STXBP5L: variants seen among roughly 807,000 people sequenced by gnomAD.
STXBP5L encodes the protein syntaxin binding protein 5L.
STXBP5L carries 65 observed loss-of-function variants against 144.5 expected under a neutral mutation model. The ratio of observed to expected loss-of-function variants is 0.45; its 90% confidence interval spans 0.37 to 0.55. STXBP5L has a LOEUF of 0.55. Ranked by LOEUF, STXBP5L falls within the 20% of genes least tolerant of loss-of-function variation. The pLI is 0.00. For missense variants in STXBP5L, 1,298 were observed against 1,405.5 expected, an observed-to-expected ratio of 0.92 and a Z score of 1.22; for synonymous variants, 505 against 469.6, an observed-to-expected ratio of 1.08 and a Z score of -0.97.
intron 9 of STXBP5L, among the ~76,000 whole-genome samples, chr3:121,197,908 G>T (rs2047982937): frequency 6.6e-6 from 1 of 152,164 alleles, no homozygotes. Flanking sequence ...ATGGACATTT[G>T]GGTTGGTTCC....
At chr3:120,978,104 TG>T (rs758251289) in intron 3 of STXBP5L, among the ~76,000 whole-genome samples, 1 of 152,208 alleles carries the variant, frequency 6.6e-6, no homozygotes, top group Non-Finnish European at 1.5e-5. Context: ...CTTGCTAGAT[TG>T]GGGAAATTCT....
At chr3:121,051,136 G>A (rs564702954) in intron 5 of STXBP5L, among the ~76,000 whole-genome samples, 2,212 of 152,080 alleles carry the variant, frequency 0.015, 29 homozygotes, top group Non-Finnish European at 0.026. Flanking sequence ...AATAATAATG[G>A]GAGACTTTAA....
rs765268491 is a variant in STXBP5L, at chr3:121,043,260, A to G, written c.369+1479A>G. On this transcript the variant is annotated intron_variant, in intron 4 of 26. Coordinates refer to ENST00000471454, the MANE Select transcript of STXBP5L (RefSeq NM_001308330.2). ...GTTTTAAGCATTTTCACAGATCTTTATAGTGCTTTTGGTAGGTTCACTTTG... is the reference window on the plus strand; with the variant it reads ...GTTTTAAGCATTTTCACAGATCTTTGTAGTGCTTTTGGTAGGTTCACTTTG... Among the ~76,000 whole-genome samples, 29 of 152,140 alleles carry G rather than the reference A, an allele frequency of 1.9e-4. No homozygotes were observed. The East Asian group carries it at 2.7e-3, about 14-fold the overall frequency.
chr3:121,254,123 TTGAC>T (rs905154281), intron 15 of STXBP5L, among the ~76,000 whole-genome samples: 3 of 152,162 alleles, frequency 2.0e-5, no homozygotes, highest in Admixed American at 6.5e-5. Context: ...CAGTCTGGTT[TTGAC>T]TAATGTTTCT....
chr3:121,390,132 A>C (rs1162337443), intron 22 of STXBP5L, among the ~76,000 whole-genome samples: 1 of 152,198 alleles, frequency 6.6e-6, no homozygotes, highest in Admixed American at 6.5e-5. Context: ...TCCCTTTACC[A>C]TTATGTAATG....
chr3:120,921,586 TC>T (rs1205533840), intron 2 of STXBP5L, among the ~76,000 whole-genome samples: 2 of 152,048 alleles, frequency 1.3e-5, no homozygotes, highest in African/African-American at 4.8e-5. Context: ...AGCATTTTCT[TC>T]TAGTAGATTC....
At chr3:121,143,800 T>C (rs2045606086) in intron 7 of STXBP5L, among the ~76,000 whole-genome samples, 1 of 151,804 alleles carries the variant, frequency 6.6e-6, no homozygotes, top group African/African-American at 2.4e-5. Context: ...ACTAAAAACA[T>C]CAATTCAAAA....
intron 13 of STXBP5L, among the ~76,000 whole-genome samples, chr3:121,240,171 TG>T: frequency 6.6e-6 from 1 of 152,272 alleles, no homozygotes; most frequent in East Asian, 1.9e-4. Flanking sequence ...GTAGCAACAC[TG>T]TATTTGTACA....
At chr3:121,023,604 AG>A (rs1200631612) in intron 3 of STXBP5L, among the ~76,000 whole-genome samples, 1 of 152,182 alleles carries the variant, frequency 6.6e-6, no homozygotes, top group African/African-American at 2.4e-5. Flanking sequence ...TCTTTGACAA[AG>A]CAAACAAAAA....
chr3:121,405,765 T>C (rs2046981924), intron 22 of STXBP5L, among the ~76,000 whole-genome samples: 1 of 152,108 alleles, frequency 6.6e-6, no homozygotes, highest in Admixed American at 6.6e-5. Flanking sequence ...TTGGAAAACT[T>C]AAACCCTGTA....
At chr3:120,954,457 C>G (rs1210142572) in intron 2 of STXBP5L, among the ~76,000 whole-genome samples, 1 of 151,910 alleles carries the variant, frequency 6.6e-6, no homozygotes, top group African/African-American at 2.4e-5. Flanking sequence ...TTTTGAGAAT[C>G]ATTTGTGTTG....
chr3:121,246,084 G>C (rs569810124), intron 14 of STXBP5L, among the ~76,000 whole-genome samples: 9 of 152,306 alleles, frequency 5.9e-5, no homozygotes, highest in African/African-American at 2.2e-4. Context: ...TCCATGGCCT[G>C]TTAGGAACTA....
chr3:121,276,664 C>T (rs1465537724), intron 18 of STXBP5L, among the ~76,000 whole-genome samples: 1 of 151,750 alleles, frequency 6.6e-6, no homozygotes, highest in Non-Finnish European at 1.5e-5. Context: ...AAAGATGCCA[C>T]TCCATCATCT....
At chr3:121,098,130 C>T (rs1164636126) in intron 5 of STXBP5L, among the ~76,000 whole-genome samples, 1 of 152,134 alleles carries the variant, frequency 6.6e-6, no homozygotes, top group Non-Finnish European at 1.5e-5. Flanking sequence ...ATTATATTAT[C>T]TAATATCTTG....
At chr3:121,275,566 A>G (rs1416800949) in intron 18 of STXBP5L, among the ~76,000 whole-genome samples, 1 of 152,130 alleles carries the variant, frequency 6.6e-6, no homozygotes, top group Admixed American at 6.5e-5. Context: ...AGTGTCGCTT[A>G]CAAATTCTAT....
At chr3:121,176,332 A>G (rs2046931404) in intron 9 of STXBP5L, among the ~76,000 whole-genome samples, 1 of 151,936 alleles carries the variant, frequency 6.6e-6, no homozygotes, top group Admixed American at 6.6e-5. Flanking sequence ...TACTTAAAAC[A>G]AGAAGATGAA....
At chr3:121,041,564 A>T (rs1003861448) in intron 3 of STXBP5L, 136 bp from the exon 4 acceptor site, 25 of 622,376 alleles carry the variant, frequency 4.0e-5, no homozygotes, top group Non-Finnish European at 7.1e-5. Context: ...ATCTACTAAG[A>T]GTAAGATTTT....
At chr3:121,295,668 A>G (rs1333950135) in intron 19 of STXBP5L, among the ~76,000 whole-genome samples, 1 of 152,184 alleles carries the variant, frequency 6.6e-6, no homozygotes, top group Non-Finnish European at 1.5e-5. Context: ...ACTAGGAATA[A>G]CATTGTACCC....
At chr3:120,994,556 G>A (rs558826458) in intron 3 of STXBP5L, among the ~76,000 whole-genome samples, 1 of 151,928 alleles carries the variant, frequency 6.6e-6, no homozygotes, top group Non-Finnish European at 1.5e-5. Context: ...CATATGATTT[G>A]TGTCCTTATT....
Sources: gnomAD v4.1 joint callset for allele counts (sites outside exome capture counted in the v4.1 genomes callset) on GRCh38, gnomAD v4.1.1 for gene constraint, MANE v1.5 for transcripts, NCBI Gene and HGNC (gene_info 2026-07-23, HGNC 2026-07-21) for gene names.